Variants in NCOA2 observed in about 807,000 individuals in gnomAD.
The protein encoded by NCOA2 is class E basic helix-loop-helix protein 75.
A neutral mutation model predicts 145.1 loss-of-function variants in NCOA2; 21 were observed. The observed-to-expected ratio is 0.14, with a 90% confidence interval of 0.10 to 0.21. The LOEUF (loss-of-function observed/expected upper bound fraction) is 0.21. Ranked by LOEUF, NCOA2 falls within the 10% of genes least tolerant of loss-of-function variation. The pLI is 1.00. For synonymous variants in NCOA2, 619 were observed against 637.5 expected, an observed-to-expected ratio of 0.97 and a Z score of 0.44; for missense variants, 1,472 against 1,837.6, an observed-to-expected ratio of 0.80 and a Z score of 3.64.
intron 2 of NCOA2, among the ~76,000 whole-genome samples, chr8:70,237,825 A>G (rs2089696524): frequency 6.6e-6 from 1 of 151,924 alleles, no homozygotes; most frequent in South Asian, 2.1e-4. Context: ...CATACTCTTC[A>G]TAGCCAGCAG....
the NCOA2 span, among the ~76,000 whole-genome samples, chr8:70,450,573 C>CTTTTTTTTTTTATTTTTTTTTT: frequency 2.1e-5 from 2 of 94,652 alleles, no homozygotes; most frequent in African/African-American, 8.7e-5. Flanking sequence ...TCTTTTTATT[C>CTTTTTTTTTTTATTTTTTTTTT]TTTTTTTTTT....
chr8:70,291,915 C>A (rs996780684), intron 2 of NCOA2, among the ~76,000 whole-genome samples: 5 of 151,740 alleles, frequency 3.3e-5, no homozygotes, highest in Admixed American at 6.6e-5. Context: ...CTGGCTAACA[C>A]GGTGAAACCC....
At chr8:70,217,781 C>T (rs1167236883) in intron 2 of NCOA2, among the ~76,000 whole-genome samples, 5 of 152,220 alleles carry the variant, frequency 3.3e-5, no homozygotes, top group Non-Finnish European at 5.9e-5. Context: ...AAGACTGCTA[C>T]TCAAGGTGTT....
At chr8:70,362,197 A>C (rs533449365) in intron 1 of NCOA2, among the ~76,000 whole-genome samples, 3 of 152,330 alleles carry the variant, frequency 2.0e-5, no homozygotes, top group Admixed American at 1.3e-4. Context: ...CAAAGGGGAG[A>C]ATATAGAAAG....
At chr8:70,382,459 T>C (rs192273740) in intron 1 of NCOA2, among the ~76,000 whole-genome samples, 30 of 152,286 alleles carry the variant, frequency 2.0e-4, no homozygotes, top group African/African-American at 7.0e-4. Flanking sequence ...TTGGCCCCAA[T>C]GTGATAAAGT....
intron 5 of NCOA2, among the ~76,000 whole-genome samples, chr8:70,171,557 T>G (rs1814258918): frequency 6.6e-6 from 1 of 152,222 alleles, no homozygotes; most frequent in Non-Finnish European, 1.5e-5. Flanking sequence ...CAAAGCTCTG[T>G]TTTATGGATC....
chr8:70,299,489 A>AT (rs1827333311), intron 1 of NCOA2, among the ~76,000 whole-genome samples: 1 of 152,238 alleles, frequency 6.6e-6, no homozygotes, highest in Non-Finnish European at 1.5e-5. Flanking sequence ...CAACTTAATA[A>AT]TAGGACAAAT....
chr8:70,336,295 G>A (rs552462256), intron 1 of NCOA2, among the ~76,000 whole-genome samples: 31 of 152,130 alleles, frequency 2.0e-4, no homozygotes, highest in African/African-American at 7.2e-4. Flanking sequence ...ATGATCTGTC[G>A]CTGACTGAAA....
intron 4 of NCOA2, among the ~76,000 whole-genome samples, chr8:70,211,328 G>A (rs978752601): frequency 6.6e-6 from 1 of 151,690 alleles, no homozygotes; most frequent in Admixed American, 6.6e-5. Flanking sequence ...ACGTGGTGGC[G>A]CATGCCTGTA....
rs766718917 is a variant in NCOA2, at chr8:70,131,969, T to G, written c.3192A>C (p.Leu1064=). ...GAGACTCAGCTGCAGGATGTGGACATAGCAAGTCATCTGGAGAACTGCCAA... is the reference window on the plus strand; with the variant it reads ...GAGACTCAGCTGCAGGATGTGGACAGAGCAAGTCATCTGGAGAACTGCCAA... ...QPFGSSPDDL[L]CPHPAAESPS... is the part of the protein sequence containing the mutation. The change falls in exon 16 of 23, where the codon CTA becomes CTC. Residue 1064 remains leucine, a synonymous_variant. Transcript: ENST00000452400. 1.9e-6 allele frequency: 3 copies of G among 1,612,414 alleles called. No individual in the cohort carries two copies. Among genetic ancestry groups the G allele is most frequent in the African/African-American group, 1.3e-5 (1 of 74,922 alleles).
At chr8:70,392,155 C>T (rs747285591) in intron 1 of NCOA2, among the ~76,000 whole-genome samples, 70 of 152,156 alleles carry the variant, frequency 4.6e-4, no homozygotes, top group Non-Finnish European at 1.6e-4. Context: ...CCTCCCTAAA[C>T]CCCAATACTT....
At chr8:70,169,890 A>ATCATC (rs1814034439) in intron 6 of NCOA2, among the ~76,000 whole-genome samples, 1 of 150,070 alleles carries the variant, frequency 6.7e-6, no homozygotes. Flanking sequence ...TGCCAAGCAA[A>ATCATC]ATCATCATCA....
At chr8:70,391,910 CTAAGA>C (rs2131626982) in intron 1 of NCOA2, among the ~76,000 whole-genome samples, 1 of 152,218 alleles carries the variant, frequency 6.6e-6, no homozygotes, top group African/African-American at 2.4e-5. Flanking sequence ...GTGTGGTTAC[CTAAGA>C]TAATGCCTTG....
At chr8:70,412,880 T>C in the NCOA2 span, among the ~76,000 whole-genome samples, 8,307 of 151,914 alleles carry the variant, frequency 0.055, 302 homozygotes, top group East Asian at 0.16. Flanking sequence ...GGTAGATCAC[T>C]GGAGGCCAAG....
intron 10 of NCOA2, among the ~76,000 whole-genome samples, chr8:70,158,472 G>A (rs1026563832): frequency 1.3e-5 from 2 of 152,136 alleles, no homozygotes; most frequent in Non-Finnish European, 2.9e-5. Flanking sequence ...CTAATGTTGA[G>A]AAGTTAATTT....
chr8:70,335,024 GA>G (rs1276200036), intron 1 of NCOA2, among the ~76,000 whole-genome samples: 5 of 147,076 alleles, frequency 3.4e-5, no homozygotes, highest in Non-Finnish European at 6.0e-5. Flanking sequence ...TTGGTAAGCT[GA>G]GGCAGGAAAA....
At chr8:70,275,635 G>A (rs532676145) in intron 2 of NCOA2, among the ~76,000 whole-genome samples, 3 of 152,002 alleles carry the variant, frequency 2.0e-5, no homozygotes, top group East Asian at 3.9e-4. Context: ...GAGAAAATAT[G>A]AAAAAAATTT....
At chr8:70,381,303 TAATAA>T (rs1431732584) in intron 1 of NCOA2, among the ~76,000 whole-genome samples, 1 of 152,170 alleles carries the variant, frequency 6.6e-6, no homozygotes. Flanking sequence ...AAAAACAGCG[TAATAA>T]CAACAGAATA....
chr8:70,421,547 G>T, the NCOA2 span, among the ~76,000 whole-genome samples: 1 of 152,154 alleles, frequency 6.6e-6, no homozygotes, highest in South Asian at 2.1e-4. Context: ...AACAGAGTGA[G>T]ATCCTGTCTC....
Sources: gnomAD v4.1 joint callset for allele counts (sites outside exome capture counted in the v4.1 genomes callset) on GRCh38, gnomAD v4.1.1 for gene constraint, MANE v1.5 for transcripts, NCBI Gene and HGNC (gene_info 2026-07-23, HGNC 2026-07-21) for gene names.